LDLRAD3: variants seen among roughly 807,000 people sequenced by gnomAD.
The protein encoded by LDLRAD3 is low-density lipoprotein receptor class A domain-containing protein 3.
LDLRAD3 carries 20 observed loss-of-function variants against 29.4 expected under a neutral mutation model. That is an observed-to-expected ratio of 0.68 (90% CI 0.48 to 0.99). The LOEUF (loss-of-function observed/expected upper bound fraction) is 0.99, where lower values mean the gene tolerates loss of function less well. Ranked by LOEUF, LDLRAD3 falls within the 50% of genes least tolerant of loss-of-function variation. LDLRAD3 has a pLI of 0.00. For synonymous variants in LDLRAD3, 157 were observed against 192.7 expected, an observed-to-expected ratio of 0.81 and a Z score of 1.53; for missense variants, 420 against 454.3, an observed-to-expected ratio of 0.92 and a Z score of 0.69.
chr11:36,113,549 C>A (rs1853633980), intron 4 of LDLRAD3, among the ~76,000 whole-genome samples: 1 of 152,130 alleles, frequency 6.6e-6, no homozygotes. Flanking sequence ...GATGTGGTTG[C>A]CTGATCATGA....
intron 1 of LDLRAD3, among the ~76,000 whole-genome samples, chr11:35,989,660 T>C (rs1851663200): frequency 6.6e-6 from 1 of 152,180 alleles, no homozygotes; most frequent in Admixed American, 6.5e-5. Flanking sequence ...TAATTTTTTG[T>C]GGCTATTATA....
chr11:36,035,870 C>T (rs1852297047), intron 1 of LDLRAD3, among the ~76,000 whole-genome samples: 1 of 152,160 alleles, frequency 6.6e-6, no homozygotes, highest in Non-Finnish European at 1.5e-5. Context: ...CATTTTGTGC[C>T]TGACATTCAA....
intron 2 of LDLRAD3, among the ~76,000 whole-genome samples, chr11:36,041,112 T>TATCCA (rs1441511103): frequency 2.0e-5 from 3 of 152,214 alleles, no homozygotes; most frequent in African/African-American, 7.2e-5. Flanking sequence ...GTGATAGTTT[T>TATCCA]ATCCAAATAA....
At chr11:36,116,848 T>TTC (rs1486099251) in intron 4 of LDLRAD3, among the ~76,000 whole-genome samples, 20 of 148,406 alleles carry the variant, frequency 1.3e-4, no homozygotes, top group African/African-American at 4.9e-4. Context: ...TTTTTTCTTT[T>TTC]TTTTTTTTTT....
At position 36,128,130 on chromosome 11, in the gene LDLRAD3, ATATATG is replaced by A. The variant is rs1357500554; in HGVS notation, c.454+29676_454+29681del. On this transcript the variant is annotated intron_variant, in intron 4 of 5. Transcript: ENST00000315571. ...GAGTTGTTTTTACATATATATATAT[ATATATG>A]TATATGACATGTAGGCAATTAAACT... Among the ~76,000 whole-genome samples, 17 of 125,106 alleles carry A rather than the reference ATATATG, an allele frequency of 1.4e-4. 2 individuals carry two copies. The highest frequency in any genetic ancestry group is 7.7e-4 in the East Asian group (3 of 3,882). The allele number at this position is 125,106 out of a possible 152,430, so 82.1% of individuals were successfully genotyped here. A position where few individuals can be genotyped will look rare whatever the true frequency, so the allele number is the denominator to read the frequency against.
chr11:36,105,288 A>G (rs10768179), intron 4 of LDLRAD3, among the ~76,000 whole-genome samples: 88,573 of 149,712 alleles, frequency 0.59, 26,700 homozygotes, highest in East Asian at 0.8. Context: ...GTGTGGTTGT[A>G]AGAGTGTATG....
At chr11:36,148,887 G>A (rs1350975684) in intron 4 of LDLRAD3, among the ~76,000 whole-genome samples, 1 of 152,228 alleles carries the variant, frequency 6.6e-6, no homozygotes, top group Non-Finnish European at 1.5e-5. Flanking sequence ...TCAGTTTGAA[G>A]GTTTTGTAAC....
chr11:36,062,340 G>T (rs1458988355), intron 2 of LDLRAD3, among the ~76,000 whole-genome samples: 1 of 152,160 alleles, frequency 6.6e-6, no homozygotes, highest in Admixed American at 6.5e-5. Flanking sequence ...AACCTCAAAA[G>T]TATTGACATT....
At chr11:36,069,979 C>G (rs1378572186) in intron 2 of LDLRAD3, among the ~76,000 whole-genome samples, 1 of 152,176 alleles carries the variant, frequency 6.6e-6, no homozygotes, top group African/African-American at 2.4e-5. Flanking sequence ...CCGACCTTCC[C>G]CTGAGAAGCC....
intron 4 of LDLRAD3, 35 bp from the exon 5 acceptor site, chr11:36,227,050 C>G: frequency 2.0e-6 from 3 of 1,470,270 alleles, no homozygotes; most frequent in Non-Finnish European, 2.8e-6. Flanking sequence ...AACTGGTAAC[C>G]TTCTCTCTTT....
chr11:36,188,113 T>C (rs1250367259), intron 4 of LDLRAD3, among the ~76,000 whole-genome samples: 1 of 152,030 alleles, frequency 6.6e-6, no homozygotes, highest in Non-Finnish European at 1.5e-5. Context: ...ATGCTTTCTA[T>C]GTTGAAAAGT....
intron 4 of LDLRAD3, among the ~76,000 whole-genome samples, chr11:36,193,643 A>T (rs1854989201): frequency 6.6e-6 from 1 of 152,144 alleles, no homozygotes; most frequent in Non-Finnish European, 1.5e-5. Flanking sequence ...TGTTAAGAGC[A>T]CCACTTAGTT....
chr11:36,125,184 C>T (rs1174322916), intron 4 of LDLRAD3, among the ~76,000 whole-genome samples: 1 of 152,082 alleles, frequency 6.6e-6, no homozygotes, highest in African/African-American at 2.4e-5. Context: ...CTGTGCATTC[C>T]ATGTAAGCAG....
intron 4 of LDLRAD3, among the ~76,000 whole-genome samples, chr11:36,193,775 T>C (rs981984536): frequency 7.2e-5 from 11 of 152,212 alleles, no homozygotes; most frequent in African/African-American, 2.7e-4. Context: ...ACTGGTCTCA[T>C]GCAGCTTTGA....
chr11:36,145,865 C>G (rs1854184179), intron 4 of LDLRAD3, among the ~76,000 whole-genome samples: 1 of 151,868 alleles, frequency 6.6e-6, no homozygotes, highest in Non-Finnish European at 1.5e-5. Flanking sequence ...GACACAAACA[C>G]TGCGGAAGGC....
intron 4 of LDLRAD3, among the ~76,000 whole-genome samples, chr11:36,145,227 C>G (rs1363949155): frequency 3.1e-5 from 2 of 64,080 alleles, no homozygotes; most frequent in Non-Finnish European, 2.9e-5. Flanking sequence ...CCCCCACCCG[C>G]CAGCCGCCCC....
At chr11:36,139,344 A>G (rs562716999) in intron 4 of LDLRAD3, among the ~76,000 whole-genome samples, 4 of 152,308 alleles carry the variant, frequency 2.6e-5, no homozygotes, top group Admixed American at 2.0e-4. Flanking sequence ...TCATCCGTCA[A>G]TTATAGATGA....
chr11:36,146,517 G>T (rs552475603), intron 4 of LDLRAD3, among the ~76,000 whole-genome samples: 1 of 152,176 alleles, frequency 6.6e-6, no homozygotes, highest in South Asian at 2.1e-4. Context: ...AGATTTGGTG[G>T]CTTAAAAAAA....
intron 3 of LDLRAD3, among the ~76,000 whole-genome samples, chr11:36,089,161 C>CT (rs1202326890): frequency 6.6e-6 from 1 of 152,186 alleles, no homozygotes; most frequent in Non-Finnish European, 1.5e-5. Flanking sequence ...AGTATACAAA[C>CT]TTTCAGGGCA....
Sources: gnomAD v4.1 joint callset for allele counts (sites outside exome capture counted in the v4.1 genomes callset) on GRCh38, gnomAD v4.1.1 for gene constraint, MANE v1.5 for transcripts, NCBI Gene and HGNC (gene_info 2026-07-23, HGNC 2026-07-21) for gene names.